B4GALT6: variants seen among roughly 807,000 people sequenced by gnomAD.
B4GALT6 encodes beta-1,4-galactosyltransferase 6.
In B4GALT6, 14 loss-of-function variants were observed where a neutral mutation model predicts 46.3. The ratio of observed to expected loss-of-function variants is 0.30; its 90% confidence interval spans 0.20 to 0.47. B4GALT6 has a LOEUF of 0.47. B4GALT6 is among the 20% of genes least tolerant of loss of function. The pLI is 0.99. For missense variants in B4GALT6, 386 were observed against 480.1 expected, an observed-to-expected ratio of 0.80 and a Z score of 1.83; for synonymous variants, 168 against 162.0, an observed-to-expected ratio of 1.04 and a Z score of -0.28.
chr18:31,696,066 C>T, the B4GALT6 span, among the ~76,000 whole-genome samples: 1 of 151,944 alleles, frequency 6.6e-6, no homozygotes, highest in South Asian at 2.1e-4. Flanking sequence ...ACACACAATC[C>T]CTGGGAAACA....
intron 6 of B4GALT6, among the ~76,000 whole-genome samples, chr18:31,630,227 T>C (rs1483179086): frequency 1.3e-5 from 2 of 152,140 alleles, no homozygotes; most frequent in Non-Finnish European, 2.9e-5. Context: ...CAGGCAAAAC[T>C]GTGACACAGG....
At chr18:31,719,205 C>T in the B4GALT6 span, 2 of 152,180 alleles carry the variant, frequency 1.3e-5, no homozygotes, top group Non-Finnish European at 2.9e-5. Context: ...AGATTTAGAC[C>T]TTGCTGACTT....
At chr18:31,630,816 C>A in intron 6 of B4GALT6, 143 bp downstream of exon 6, 1 of 871,060 alleles carries the variant, frequency 1.1e-6, no homozygotes, top group African/African-American at 1.7e-5. Context: ...TCCTGGCTCC[C>A]CAGGAGGACA....
chr18:31,720,903 G>A, the B4GALT6 span, among the ~76,000 whole-genome samples: 4 of 152,218 alleles, frequency 2.6e-5, no homozygotes, highest in African/African-American at 7.2e-5. Context: ...CAAAGTGGCT[G>A]AGGCAGGGGG....
the B4GALT6 span, among the ~76,000 whole-genome samples, chr18:31,709,652 T>G: frequency 6.7e-6 from 1 of 149,800 alleles, no homozygotes; most frequent in East Asian, 2.0e-4. Context: ...ATGAAGGTCT[T>G]AATACTTCAG....
chr18:31,676,419 T>C lies in B4GALT6; in HGVS notation c.115+7893A>G, dbSNP rs115294779. 5.0e-3 allele frequency among the ~76,000 whole-genome samples: 760 copies of C among 152,348 alleles called. 6 individuals are homozygous for C. The highest frequency in any genetic ancestry group is 0.018 in the African/African-American group (731 of 41,582). ...GAGTAACCTATAATGCTATCCAGTT[T>C]AATAAGTTTTATTGATCTTAAGTAA... On this transcript the variant is annotated intron_variant, in intron 1 of 8. Transcript: ENST00000306851.
At chr18:31,710,751 C>A in the B4GALT6 span, among the ~76,000 whole-genome samples, 1 of 150,632 alleles carries the variant, frequency 6.6e-6, no homozygotes, top group Non-Finnish European at 1.5e-5. Flanking sequence ...CCCAGAAAAA[C>A]TAACGCACCT....
intron 2 of B4GALT6, among the ~76,000 whole-genome samples, chr18:31,664,455 C>T (rs2074259508): frequency 6.6e-6 from 1 of 151,598 alleles, no homozygotes; most frequent in Non-Finnish European, 1.5e-5. Flanking sequence ...AGTAAGCAAA[C>T]TTTAATCTAA....
At chr18:31,716,074 G>C in the B4GALT6 span, among the ~76,000 whole-genome samples, 1 of 152,136 alleles carries the variant, frequency 6.6e-6, no homozygotes, top group East Asian at 1.9e-4. Flanking sequence ...CAGGTCTTCT[G>C]GGTTCCCATT....
chr18:31,705,310 G>A, the B4GALT6 span, among the ~76,000 whole-genome samples: 1 of 152,202 alleles, frequency 6.6e-6, no homozygotes, highest in African/African-American at 2.4e-5. Context: ...TGCTTTCAAA[G>A]TCCTGCTAGG....
intron 3 of B4GALT6, among the ~76,000 whole-genome samples, chr18:31,650,686 AAG>A: frequency 6.6e-6 from 1 of 152,198 alleles, no homozygotes; most frequent in East Asian, 1.9e-4. Flanking sequence ...AAATCAGATA[AAG>A]TATATTCTGT....
At position 31,640,496 on chromosome 18, in the gene B4GALT6, C is replaced by T. The variant is rs2073916121; in HGVS notation, c.472-1736G>A. Among the ~76,000 whole-genome samples, 3 of 152,138 alleles carry T rather than the reference C, an allele frequency of 2.0e-5. No homozygotes were observed. The South Asian group carries it at 6.2e-4, about 32-fold the overall frequency. ...CTATGAACTCCCCCATTCATTTTCC[C>T]TTAATGCTGATGGGATAGCAAAAAC... On this transcript the variant is annotated intron_variant, in intron 4 of 8. Transcript: ENST00000306851.
At chr18:31,661,256 A>G (rs2074212063) in intron 2 of B4GALT6, among the ~76,000 whole-genome samples, 1 of 152,216 alleles carries the variant, frequency 6.6e-6, no homozygotes. Flanking sequence ...GGGTGAGACT[A>G]TAATACTAAA....
upstream of B4GALT6, chr18:31,684,596 C>T: frequency 8.4e-7 from 1 of 1,187,214 alleles, no homozygotes; most frequent in Non-Finnish European, 1.1e-6. Context: ...TGGGAGGGAG[C>T]GGACGGAATG....
At chr18:31,667,488 G>A (rs2074295970) in intron 1 of B4GALT6, among the ~76,000 whole-genome samples, 1 of 152,206 alleles carries the variant, frequency 6.6e-6, no homozygotes, top group Non-Finnish European at 1.5e-5. Flanking sequence ...AGTTTCTCAA[G>A]ATGGAATAGA....
upstream of B4GALT6, among the ~76,000 whole-genome samples, chr18:31,688,792 G>A (rs2030014534): frequency 6.6e-6 from 1 of 152,194 alleles, no homozygotes; most frequent in Admixed American, 6.5e-5. Context: ...AGGTCACACA[G>A]TATAAAGGTA....
intron 3 of B4GALT6, among the ~76,000 whole-genome samples, chr18:31,654,674 G>C (rs780381577): frequency 1.5e-4 from 23 of 152,098 alleles, no homozygotes; most frequent in Non-Finnish European, 3.1e-4. Context: ...AAATACACCA[G>C]TGTTAAGCCT....
At chr18:31,708,380 C>G in the B4GALT6 span, among the ~76,000 whole-genome samples, 1 of 152,144 alleles carries the variant, frequency 6.6e-6, no homozygotes, top group Non-Finnish European at 1.5e-5. Context: ...GCTTAGCCAA[C>G]ATGGTGAAAC....
At chr18:31,703,039 T>A in the B4GALT6 span, among the ~76,000 whole-genome samples, 8 of 152,242 alleles carry the variant, frequency 5.3e-5, no homozygotes, top group Non-Finnish European at 1.5e-5. Flanking sequence ...CTGCATTCTC[T>A]TTTTTACTGT....
Sources: gnomAD v4.1 joint callset for allele counts (sites outside exome capture counted in the v4.1 genomes callset) on GRCh38, gnomAD v4.1.1 for gene constraint, MANE v1.5 for transcripts, NCBI Gene and HGNC (gene_info 2026-07-23, HGNC 2026-07-21) for gene names.